Variants in LAMA2 observed in about 807,000 individuals in gnomAD.
The protein encoded by LAMA2 is laminin subunit alpha 2.
A neutral mutation model predicts 364.8 loss-of-function variants in LAMA2; 269 were observed. The observed-to-expected ratio is 0.74, with a 90% confidence interval of 0.67 to 0.82. The LOEUF is 0.82. LAMA2 is among the 40% of genes least tolerant of loss of function. The pLI, the probability that LAMA2 is intolerant of heterozygous loss-of-function variation, is 0.00. For synonymous variants in LAMA2, 1,379 were observed against 1,370.6 expected (o/e 1.01, Z -0.14); for missense variants, 3,807 against 3,873.2 (o/e 0.98, Z 0.45).
intron 12 of LAMA2, among the ~76,000 whole-genome samples, chr6:129,227,012 T>G (rs1784343732): frequency 1.3e-5 from 2 of 152,344 alleles, no homozygotes; most frequent in South Asian, 4.1e-4. Context: ...CCATATTTCT[T>G]GGAGGCTTTG....
At chr6:129,050,304 C>T (rs1426503386) in intron 2 of LAMA2, among the ~76,000 whole-genome samples, 2 of 152,142 alleles carry the variant, frequency 1.3e-5, no homozygotes, top group Non-Finnish European at 2.9e-5. Context: ...GATGATTCGC[C>T]AGCTGAAGGC....
At chr6:129,219,077 A>G (rs1042179699) in intron 12 of LAMA2, among the ~76,000 whole-genome samples, 3 of 152,212 alleles carry the variant, frequency 2.0e-5, no homozygotes, top group African/African-American at 7.2e-5. Flanking sequence ...GTCAAAATAC[A>G]TGGGTCAAAA....
chr6:129,435,020 A>G (rs1781769151), intron 41 of LAMA2, among the ~76,000 whole-genome samples: 1 of 152,152 alleles, frequency 6.6e-6, no homozygotes, highest in Admixed American at 6.6e-5. Flanking sequence ...AATGCAGAGA[A>G]TCAAAATTAG....
intron 34 of LAMA2, among the ~76,000 whole-genome samples, chr6:129,373,602 C>T (rs946892617): frequency 2.6e-5 from 4 of 152,142 alleles, no homozygotes; most frequent in African/African-American, 9.7e-5. Flanking sequence ...CAGGATACTA[C>T]ATTACATTTA....
intron 29 of LAMA2, among the ~76,000 whole-genome samples, chr6:129,341,144 C>T (rs1346303344): frequency 6.6e-6 from 1 of 152,222 alleles, no homozygotes; most frequent in African/African-American, 2.4e-5. Flanking sequence ...AATTGCCACA[C>T]ATTCCCTACC....
chr6:129,009,469 TAGAAATGATCTTTCAAAAAATTA>T (rs1372795479), intron 1 of LAMA2, among the ~76,000 whole-genome samples: 3 of 152,138 alleles, frequency 2.0e-5, no homozygotes, highest in Non-Finnish European at 4.4e-5. Flanking sequence ...AAATAGAAAT[TAGAAATGATCTTTCAAAAAATTA>T]AGAAATCATT....
chr6:129,208,851 A>G (rs917990161), intron 12 of LAMA2, among the ~76,000 whole-genome samples: 7 of 152,186 alleles, frequency 4.6e-5, no homozygotes, highest in Non-Finnish European at 7.4e-5. Context: ...ATTTGCTCAT[A>G]TCTGTCTAAT....
chr6:129,297,688 G>A lies in LAMA2; in HGVS notation c.2860G>A (p.Gly954Arg), dbSNP rs779193076. ...QGQRCDKCKA[G>R]TFGLQSARGC... The stretch of plus-strand genomic sequence containing the variant: ...TTCTCTCCTCTTCCATTGCCAGGCT[G>A]GGACCTTTGGCCTACAATCAGCAAG... Residue 954 changes from glycine (G) to arginine (R), a missense_variant, in exon 21 of 65, where the codon GGG becomes AGG. By Grantham distance (125) the Gly-to-Arg change is moderately radical. Coordinates refer to ENST00000421865, the MANE Select transcript of LAMA2 (RefSeq NM_000426.4). 1.9e-6 allele frequency: 3 copies of A among 1,613,616 alleles called. No homozygotes were observed. In the East Asian group the frequency reaches 6.7e-5, roughly 36 times the overall value.
intron 2 of LAMA2, among the ~76,000 whole-genome samples, chr6:129,051,723 T>TCG (rs1788052868): frequency 3.6e-5 from 5 of 138,756 alleles, no homozygotes; most frequent in African/African-American, 1.4e-4. Flanking sequence ...TATCTATAGA[T>TCG]AGATATATAG....
rs201049224 is a variant in LAMA2 at position 128,950,836 on chromosome 6, A to G, written c.112+67479A>G. Among the ~76,000 whole-genome samples the G allele has an allele frequency of 7.8e-4, 118 of 152,256 alleles. 1 individual carries two copies. The East Asian group carries it at 0.017, about 22-fold the overall frequency. On this transcript the variant is annotated intron_variant, in intron 1 of 64. Coordinates refer to ENST00000421865, the MANE Select transcript of LAMA2 (RefSeq NM_000426.4). ...TATGCCCATATATATATTACATTAT[A>G]TATTCATGTATACATATACATGTAA...
chr6:129,243,866 A>G (rs1785558583), intron 12 of LAMA2, among the ~76,000 whole-genome samples: 1 of 151,966 alleles, frequency 6.6e-6, no homozygotes, highest in Admixed American at 6.6e-5. Context: ...AAGAAGAAGA[A>G]GAAGGAGGAG....
intron 3 of LAMA2, among the ~76,000 whole-genome samples, chr6:129,092,297 T>A (rs1245181409): frequency 6.6e-6 from 1 of 152,204 alleles, no homozygotes. Flanking sequence ...ATTGGCTATA[T>A]GTATCAACTC....
chr6:128,952,096 G>A (rs1244426374), intron 1 of LAMA2, among the ~76,000 whole-genome samples: 1 of 152,128 alleles, frequency 6.6e-6, no homozygotes, highest in Non-Finnish European at 1.5e-5. Flanking sequence ...GAGTCCAGGA[G>A]TTTGAGGCTG....
intron 22 of LAMA2, among the ~76,000 whole-genome samples, chr6:129,309,268 C>T (rs1774064353): frequency 6.6e-6 from 1 of 152,296 alleles, no homozygotes; most frequent in South Asian, 2.1e-4. Context: ...AGTAAATTCT[C>T]TATTGCTAAA....
intron 12 of LAMA2, among the ~76,000 whole-genome samples, chr6:129,237,526 G>A (rs1416652912): frequency 6.6e-6 from 1 of 151,968 alleles, no homozygotes; most frequent in Non-Finnish European, 1.5e-5. Context: ...AGTAGAGACA[G>A]GGTTTCACCA....
intron 12 of LAMA2, among the ~76,000 whole-genome samples, chr6:129,211,281 G>A (rs1783082295): frequency 6.6e-6 from 1 of 152,202 alleles, no homozygotes; most frequent in South Asian, 2.1e-4. Context: ...AATGTGGCAT[G>A]TGTCAGAGCA....
chr6:129,030,766 C>G (rs945336427), intron 1 of LAMA2, among the ~76,000 whole-genome samples: 14 of 151,924 alleles, frequency 9.2e-5, no homozygotes, highest in African/African-American at 3.4e-4. Flanking sequence ...TGTTAGAACT[C>G]ATGTGATTAA....
At chr6:129,433,884 A>T (rs1477411124) in intron 41 of LAMA2, among the ~76,000 whole-genome samples, 1 of 152,170 alleles carries the variant, frequency 6.6e-6, no homozygotes, top group African/African-American at 2.4e-5. Context: ...CCTATGGTAA[A>T]TCCAGCACTT....
Position 129,492,385 on chromosome 6 carries a change from C to T in LAMA2, c.8146C>T (p.Arg2716Cys), listed in dbSNP as rs773417245. The part of the protein sequence containing the change: ...DIGRCAHQKL[R>C]EDEDGAAPAE... ...TGGTCGCTGTGCCCATCAGAAACTC[C>T]GTGAAGATGAAGATGGAGCAGCTCC... The change falls in exon 58 of 65, where the codon CGT (arginine) becomes TGT (cysteine). Residue 2716 changes from arginine to cysteine, a missense_variant. Arg to Cys is a radical substitution (Grantham distance 180, BLOSUM62 -3). Coordinates refer to ENST00000421865, the MANE Select transcript of LAMA2 (RefSeq NM_000426.4). 20 of 1,614,120 alleles carry T rather than the reference C, an allele frequency of 1.2e-5. No individual in the cohort carries two copies. The highest frequency in any genetic ancestry group is 1.7e-5 in the Admixed American group (1 of 60,028).
Sources: gnomAD v4.1 joint callset for allele counts (sites outside exome capture counted in the v4.1 genomes callset) on GRCh38, gnomAD v4.1.1 for gene constraint, MANE v1.5 for transcripts, NCBI Gene and HGNC (gene_info 2026-07-23, HGNC 2026-07-21) for gene names.